The following GALNTL6 variants were observed in gnomAD, a reference collection of about 807,000 sequenced individuals.
The protein encoded by GALNTL6 is polypeptide N-acetylgalactosaminyltransferase like 6, also known as polypeptide N-acetylgalactosaminyltransferase-like 6.
A neutral mutation model predicts 73.7 loss-of-function variants in GALNTL6; 46 were observed. The ratio of observed to expected loss-of-function variants is 0.62; its 90% CI spans 0.49 to 0.80. The LOEUF (loss-of-function observed/expected upper bound fraction) is 0.80. GALNTL6 is among the 30% of genes least tolerant of loss of function. GALNTL6 has a pLI of 0.00. For synonymous variants in GALNTL6, 259 were observed against 263.7 expected (o/e 0.98, Z 0.17); for missense variants, 604 against 755.0 (o/e 0.80, Z 2.34).
intron 5 of GALNTL6, among the ~76,000 whole-genome samples, chr4:172,686,492 G>T (rs867616153): frequency 6.6e-6 from 1 of 152,132 alleles, no homozygotes; most frequent in African/African-American, 2.4e-5. Context: ...TAACTTAATT[G>T]TTAGCTATAA....
chr4:172,867,541 G>A (rs1009504795), intron 7 of GALNTL6, among the ~76,000 whole-genome samples: 1 of 152,202 alleles, frequency 6.6e-6, no homozygotes, highest in African/African-American at 2.4e-5. Context: ...TCTTCCTGGT[G>A]TTGCTGATTT....
intron 5 of GALNTL6, among the ~76,000 whole-genome samples, chr4:172,657,268 A>G (rs752977163): frequency 2.0e-5 from 3 of 152,210 alleles, no homozygotes; most frequent in Non-Finnish European, 2.9e-5. Flanking sequence ...CTATGATTAG[A>G]GTCAGTAATT....
chr4:172,808,779 C>T (rs368333848), intron 5 of GALNTL6, among the ~76,000 whole-genome samples: 5 of 152,138 alleles, frequency 3.3e-5, no homozygotes, highest in African/African-American at 7.2e-5. Context: ...AAGTTCCAAA[C>T]GACTGTATAG....
At chr4:172,706,233 T>G (rs2118439) in intron 5 of GALNTL6, among the ~76,000 whole-genome samples, 64,685 of 151,608 alleles carry the variant, frequency 0.43, 16,013 homozygotes, top group East Asian at 0.69. Context: ...TGATTCAGTC[T>G]GCTGTTGAGA....
chr4:172,011,686 C>T (rs995076017), intron 2 of GALNTL6, among the ~76,000 whole-genome samples: 2 of 151,882 alleles, frequency 1.3e-5, no homozygotes, highest in Admixed American at 6.6e-5. Context: ...AATCTTATAA[C>T]ATATTGTATC....
chr4:172,612,169 G>A (rs1738548881), intron 5 of GALNTL6, among the ~76,000 whole-genome samples: 1 of 152,052 alleles, frequency 6.6e-6, no homozygotes, highest in African/African-American at 2.4e-5. Context: ...AAGATAGCAG[G>A]AAGAATTTTT....
chr4:172,523,782 C>T (rs538241634), intron 5 of GALNTL6, among the ~76,000 whole-genome samples: 96 of 152,178 alleles, frequency 6.3e-4, no homozygotes, highest in African/African-American at 2.1e-3. Context: ...TCCATTTCTT[C>T]TCTACACTCT....
chr4:172,559,707 C>T (rs1736281941), intron 5 of GALNTL6, among the ~76,000 whole-genome samples: 1 of 152,072 alleles, frequency 6.6e-6, no homozygotes, highest in Non-Finnish European at 1.5e-5. Flanking sequence ...AGTCTGGTTC[C>T]TAGTCATTGA....
chr4:171,836,504 T>A (rs1735098712), intron 2 of GALNTL6, among the ~76,000 whole-genome samples: 1 of 152,104 alleles, frequency 6.6e-6, no homozygotes, highest in Admixed American at 6.6e-5. Flanking sequence ...AGAAAAAATA[T>A]AACTGAAGAC....
chr4:172,384,516 TA>T (rs1269366851), intron 5 of GALNTL6, among the ~76,000 whole-genome samples: 2 of 152,124 alleles, frequency 1.3e-5, no homozygotes, highest in Admixed American at 1.3e-4. Flanking sequence ...TTTGTCTAGC[TA>T]AAAGTCTGGC....
chr4:172,169,139 G>C (rs1301715087), intron 2 of GALNTL6, among the ~76,000 whole-genome samples: 1 of 152,196 alleles, frequency 6.6e-6, no homozygotes, highest in Non-Finnish European at 1.5e-5. Context: ...TAGTTGACTT[G>C]TCGTGTAGGA....
intron 2 of GALNTL6, among the ~76,000 whole-genome samples, chr4:171,878,622 CA>C (rs1176051421): frequency 6.6e-6 from 1 of 151,928 alleles, no homozygotes; most frequent in Non-Finnish European, 1.5e-5. Context: ...AATATAAAAG[CA>C]TTTTTTTATT....
chr4:172,309,348 A>G (rs1740268345), intron 3 of GALNTL6, among the ~76,000 whole-genome samples: 1 of 152,134 alleles, frequency 6.6e-6, no homozygotes, highest in Non-Finnish European at 1.5e-5. Context: ...GTAATACAAA[A>G]TGAATAACAT....
chr4:172,681,963 C>T (rs1421154258), intron 5 of GALNTL6, among the ~76,000 whole-genome samples: 1 of 152,172 alleles, frequency 6.6e-6, no homozygotes, highest in Non-Finnish European at 1.5e-5. Context: ...TAATTAGAAC[C>T]TCCCCCTCTG....
At chr4:172,934,479 C>T (rs1441759949) in intron 9 of GALNTL6, among the ~76,000 whole-genome samples, 2 of 152,064 alleles carry the variant, frequency 1.3e-5, no homozygotes, top group South Asian at 4.1e-4. Context: ...CCTTATTTGG[C>T]AAAAACAAAA....
chr4:172,695,591 G>GT (rs1193330983), intron 5 of GALNTL6, among the ~76,000 whole-genome samples: 1 of 152,068 alleles, frequency 6.6e-6, no homozygotes, highest in African/African-American at 2.4e-5. Context: ...CTCATTTCAT[G>GT]TTTCTTATTT....
intron 2 of GALNTL6, among the ~76,000 whole-genome samples, chr4:172,062,201 G>T (rs1015198736): frequency 6.6e-6 from 1 of 151,664 alleles, no homozygotes; most frequent in African/African-American, 2.4e-5. Context: ...TGATCCGCCC[G>T]CCTTGGCCTC....
intron 5 of GALNTL6, among the ~76,000 whole-genome samples, chr4:172,676,911 T>C (rs1411402778): frequency 2.0e-5 from 3 of 152,242 alleles, no homozygotes; most frequent in South Asian, 2.1e-4. Context: ...AAGGTACTAT[T>C]GACAATGCCA....
intron 9 of GALNTL6, among the ~76,000 whole-genome samples, chr4:172,949,908 C>CAAA (rs533279404): frequency 3.5e-5 from 2 of 57,762 alleles, no homozygotes; most frequent in Non-Finnish European, 7.1e-5. Flanking sequence ...GACTCTGTCT[C>CAAA]AAAAAAAAAA....
Sources: allele counts gnomAD v4.1 joint callset (sites outside exome capture counted in the v4.1 genomes callset), GRCh38; gene constraint gnomAD v4.1.1; transcripts MANE v1.5; gene names NCBI Gene and HGNC (gene_info 2026-07-23, HGNC 2026-07-21).